SMAP1: variants seen among roughly 807,000 people sequenced by gnomAD.
SMAP1 encodes stromal membrane-associated protein 1.
In SMAP1, 24 loss-of-function variants were observed where a neutral mutation model predicts 58.5. The ratio of observed to expected loss-of-function variants is 0.41; its 90% confidence interval spans 0.30 to 0.58. The LOEUF (loss-of-function observed/expected upper bound fraction) is 0.58. Among genes scored for constraint, SMAP1 ranks in the 20% least tolerant of loss-of-function variants. The pLI is 0.29. For missense variants in SMAP1, 563 were observed against 566.3 expected (o/e 0.99, Z 0.06); for synonymous variants, 216 against 196.6 (o/e 1.10, Z -0.82).
chr6:70,843,946 CA>C (rs1770894763), intron 7 of SMAP1, among the ~76,000 whole-genome samples: 1 of 152,028 alleles, frequency 6.6e-6, no homozygotes, highest in Admixed American at 6.6e-5. Flanking sequence ...AGAAGGGACT[CA>C]AAAATTATGC....
intron 2 of SMAP1, among the ~76,000 whole-genome samples, chr6:70,744,658 C>A (rs1582100284): frequency 1.3e-5 from 2 of 152,296 alleles, no homozygotes; most frequent in East Asian, 3.9e-4. Context: ...TTTATAGTAG[C>A]ATGATTTATA....
At chr6:70,773,859 T>C (rs1431312249) in intron 4 of SMAP1, among the ~76,000 whole-genome samples, 1 of 152,188 alleles carries the variant, frequency 6.6e-6, no homozygotes, top group Non-Finnish European at 1.5e-5. Context: ...CATTTGTTAT[T>C]AGCAAGCATT....
intron 3 of SMAP1, among the ~76,000 whole-genome samples, chr6:70,766,880 G>C (rs143586423): frequency 0.047 from 7,211 of 152,186 alleles, 253 homozygotes; most frequent in Middle Eastern, 0.088. Context: ...ATGGTTTTAG[G>C]TCTAACATTT....
chr6:70,788,523 C>G (rs147463587), intron 4 of SMAP1, among the ~76,000 whole-genome samples: 112 of 152,120 alleles, frequency 7.4e-4, no homozygotes, highest in African/African-American at 2.7e-3. Flanking sequence ...GTACTCCAGA[C>G]TCTATAGAGA....
At chr6:70,836,170 C>T (rs1770575937) in intron 6 of SMAP1, among the ~76,000 whole-genome samples, 1 of 152,058 alleles carries the variant, frequency 6.6e-6, no homozygotes, top group Admixed American at 6.6e-5. Flanking sequence ...AAAGACATAC[C>T]CGAGACTGGG....
intron 6 of SMAP1, among the ~76,000 whole-genome samples, chr6:70,813,063 T>C (rs1233705228): frequency 6.6e-6 from 1 of 152,200 alleles, no homozygotes; most frequent in African/African-American, 2.4e-5. Flanking sequence ...CTCACCACTT[T>C]TAACATTTTA....
At chr6:70,742,579 G>C (rs1249105232) in intron 2 of SMAP1, among the ~76,000 whole-genome samples, 1 of 152,112 alleles carries the variant, frequency 6.6e-6, no homozygotes, top group African/African-American at 2.4e-5. Flanking sequence ...ACATTTTCCT[G>C]TCTTCTTCTG....
intron 4 of SMAP1, among the ~76,000 whole-genome samples, chr6:70,785,884 C>T (rs1358063754): frequency 6.6e-6 from 1 of 152,194 alleles, no homozygotes; most frequent in Non-Finnish European, 1.5e-5. Flanking sequence ...CAAGGAGGAG[C>T]TGGTACCATT....
At chr6:70,671,575 C>T (rs1766267699) in intron 1 of SMAP1, among the ~76,000 whole-genome samples, 1 of 152,140 alleles carries the variant, frequency 6.6e-6, no homozygotes, top group Non-Finnish European at 1.5e-5. Context: ...AAGACTCCGT[C>T]TCAGGGAAAA....
At chr6:70,803,710 G>A (rs1768974863) in intron 6 of SMAP1, among the ~76,000 whole-genome samples, 1 of 152,120 alleles carries the variant, frequency 6.6e-6, no homozygotes, top group Non-Finnish European at 1.5e-5. Context: ...GTTCTCATTG[G>A]TTTCAAAGAA....
intron 4 of SMAP1, among the ~76,000 whole-genome samples, chr6:70,776,597 C>T (rs960149718): frequency 6.6e-6 from 1 of 152,298 alleles, no homozygotes; most frequent in African/African-American, 2.4e-5. Context: ...AAATCGTACT[C>T]CTCCTATCTA....
At position 70,806,216 on chromosome 6, in the gene SMAP1, C is replaced by T. The variant is rs139409727; in HGVS notation, c.576+7479C>T. 4.1e-3 allele frequency among the ~76,000 whole-genome samples: 624 copies of T among 152,326 alleles called. 2 individuals carry two copies. The highest frequency in any genetic ancestry group is 4.9e-3 in the Non-Finnish European group (332 of 68,036). ...TTACCTGCTGAAGCCTCAGCTATAG[C>T]GGATGCCTCTCCCCTGCCCAGCTGC... On this transcript the variant is annotated intron_variant, in intron 6 of 10. Transcript: ENST00000370455.
At position 70,861,404 on chromosome 6, in the gene SMAP1, C is replaced by CA. The variant is rs758428281; in HGVS notation, c.*1077dup. ...GGTATCTTGCAGTATCGGCACTGTA[C>CA]AAAAAAATCTTCCAATTTAGTTGTT... On this transcript the variant is annotated 3_prime_UTR_variant, in exon 11 of 11. Coordinates refer to ENST00000370455, the MANE Select transcript of SMAP1 (RefSeq NM_001044305.3). The CA allele has an allele frequency of 2.8e-4, 127 of 461,646 alleles. No homozygotes were observed. The highest frequency in any genetic ancestry group is 5.8e-4 in the Middle Eastern group (1 of 1,730). 28.6% of individuals were successfully genotyped at this position (461,646 alleles called of 1,614,324 possible). A position where few individuals can be genotyped will look rare whatever the true frequency, so the allele number is the denominator to read the frequency against.
At chr6:70,786,961 T>C (rs1288511278) in intron 4 of SMAP1, among the ~76,000 whole-genome samples, 3 of 152,132 alleles carry the variant, frequency 2.0e-5, no homozygotes, top group Non-Finnish European at 4.4e-5. Flanking sequence ...TTAAAGTTCA[T>C]ATGGAACCAA....
At chr6:70,734,638 C>CG (rs1554195100) in intron 2 of SMAP1, 16 of 152,758 alleles carry the variant, frequency 1.0e-4, no homozygotes, top group Non-Finnish European at 4.4e-5. Context: ...GGCTCCACAG[C>CG]GGGCTTTGGT....
chr6:70,754,848 T>C (rs1766418856), intron 2 of SMAP1, 132 bp from the exon 3 acceptor site: 3 of 497,470 alleles, frequency 6.0e-6, no homozygotes, highest in African/African-American at 1.9e-5. Flanking sequence ...ATTTAAATTA[T>C]ATTTCTAAGG....
At chr6:70,713,279 GT>G (rs1272983236) in intron 1 of SMAP1, among the ~76,000 whole-genome samples, 2 of 151,520 alleles carry the variant, frequency 1.3e-5, no homozygotes, top group Non-Finnish European at 2.9e-5. Context: ...ATTTATCTGT[GT>G]TTTTTTACTT....
At chr6:70,788,965 G>T (rs985900808) in intron 4 of SMAP1, among the ~76,000 whole-genome samples, 1 of 152,110 alleles carries the variant, frequency 6.6e-6, no homozygotes, top group Non-Finnish European at 1.5e-5. Context: ...GGATATTGAT[G>T]ATTTCCTACT....
intron 6 of SMAP1, 140 bp downstream of exon 6, chr6:70,798,877 T>A: frequency 1.2e-5 from 8 of 660,904 alleles, no homozygotes; most frequent in South Asian, 2.7e-5. Flanking sequence ...TGCTGTGTGC[T>A]CAGCATGTCC....
Sources: allele counts gnomAD v4.1 joint callset (sites outside exome capture counted in the v4.1 genomes callset), GRCh38; gene constraint gnomAD v4.1.1; transcripts MANE v1.5; gene names NCBI Gene and HGNC (gene_info 2026-07-23, HGNC 2026-07-21).